THADA: variants seen among roughly 807,000 people sequenced by gnomAD.
The protein encoded by THADA is tRNA (32-2'-O)-methyltransferase regulator THADA.
THADA carries 213 observed loss-of-function variants against 219.8 expected under a neutral mutation model. That is an observed-to-expected ratio of 0.97 (90% CI 0.87 to 1.09). The LOEUF (loss-of-function observed/expected upper bound fraction) is 1.09, where lower values mean the gene tolerates loss of function less well. Ranked by LOEUF, THADA falls within the 50% of genes least tolerant of loss-of-function variation. THADA has a pLI of 0.00. For missense variants in THADA, 2,956 were observed against 2,311.3 expected, an observed-to-expected ratio of 1.28 and a Z score of -5.72; for synonymous variants, 1,018 against 828.9, an observed-to-expected ratio of 1.23 and a Z score of -3.92.
chr2:43,400,393 T>A (rs1674652998), intron 28 of THADA, among the ~76,000 whole-genome samples: 2 of 150,098 alleles, frequency 1.3e-5, no homozygotes, highest in South Asian at 2.1e-4. Context: ...ACATTCATTA[T>A]AAAGCAATGG....
chr2:43,275,945 T>C (rs1350459924), intron 36 of THADA, among the ~76,000 whole-genome samples: 3 of 152,174 alleles, frequency 2.0e-5, no homozygotes, highest in Non-Finnish European at 4.4e-5. Context: ...ATGCCCGATG[T>C]GGTATATAAA....
chr2:43,361,935 T>C (rs1290875037), intron 29 of THADA, among the ~76,000 whole-genome samples: 1 of 152,240 alleles, frequency 6.6e-6, no homozygotes, highest in Non-Finnish European at 1.5e-5. Context: ...AAGAGGTTTA[T>C]TCTTGATATT....
chr2:43,442,279 T>C (rs1193050243), intron 26 of THADA, among the ~76,000 whole-genome samples: 1 of 151,980 alleles, frequency 6.6e-6, no homozygotes, highest in African/African-American at 2.4e-5. Flanking sequence ...CTACTAAAAA[T>C]ATAAAATTTA....
intron 31 of THADA, among the ~76,000 whole-genome samples, chr2:43,306,828 C>T (rs1351486984): frequency 2.0e-5 from 3 of 152,212 alleles, no homozygotes; most frequent in African/African-American, 4.8e-5. Flanking sequence ...CAGCTGCTTC[C>T]ACCCTGGATG....
intron 7 of THADA, among the ~76,000 whole-genome samples, chr2:43,585,577 T>TAGATAGATAGATAGAA (rs1553505551): frequency 2.7e-4 from 37 of 135,306 alleles, no homozygotes; most frequent in African/African-American, 6.8e-4. Flanking sequence ...GATAGATAGA[T>TAGATAGATAGATAGAA]AGAAAGAAAT....
At chr2:43,427,489 A>G (rs1252782829) in intron 28 of THADA, among the ~76,000 whole-genome samples, 1 of 117,488 alleles carries the variant, frequency 8.5e-6, no homozygotes, top group African/African-American at 3.1e-5. Flanking sequence ...CTTTCACAAG[A>G]CCCCTCCCAA....
intron 28 of THADA, among the ~76,000 whole-genome samples, chr2:43,427,744 C>T (rs1396021826): frequency 6.7e-6 from 1 of 149,488 alleles, no homozygotes; most frequent in Non-Finnish European, 1.5e-5. Context: ...ATCACAAGGT[C>T]AGGAGATCGA....
chr2:43,568,441 CCT>C (rs1287434591), intron 14 of THADA, among the ~76,000 whole-genome samples: 1 of 152,118 alleles, frequency 6.6e-6, no homozygotes, highest in African/African-American at 2.4e-5. Context: ...AAGGTCACAA[CCT>C]CTAAAAGCCA....
At chr2:43,383,944 C>T (rs1287541775) in intron 29 of THADA, among the ~76,000 whole-genome samples, 1 of 152,126 alleles carries the variant, frequency 6.6e-6, no homozygotes, top group East Asian at 1.9e-4. Context: ...CTTTTATTAA[C>T]TGAAATTTTA....
intron 26 of THADA, among the ~76,000 whole-genome samples, chr2:43,475,851 T>C (rs1050202913): frequency 6.6e-6 from 1 of 152,232 alleles, no homozygotes; most frequent in South Asian, 2.1e-4. Context: ...GAAAAACATA[T>C]TTTCCTATTA....
At chr2:43,528,053 G>C in intron 21 of THADA, 65 bp from the exon 22 acceptor site, 1 of 1,119,858 alleles carries the variant, frequency 8.9e-7, no homozygotes, top group South Asian at 1.3e-5. Flanking sequence ...ATTTATATCA[G>C]TAACACTGTT....
At chr2:43,264,731 CT>C (rs1671330106) in intron 36 of THADA, among the ~76,000 whole-genome samples, 1 of 151,956 alleles carries the variant, frequency 6.6e-6, no homozygotes, top group South Asian at 2.1e-4. Context: ...AGGGAGGAGC[CT>C]GGGGGAAAAA....
Position 43,354,154 on chromosome 2 carries a change from C to T in THADA, c.4228-9917G>A, listed in dbSNP as rs536047126. Among the ~76,000 whole-genome samples the T allele has an allele frequency of 3.8e-4, 57 of 151,964 alleles. 2 individuals carry two copies. In the South Asian group the frequency reaches 0.012, roughly 32 times the overall value. On this transcript the variant is annotated intron_variant, in intron 29 of 37. Transcript: ENST00000405975. ...TATTTTTAGTAGAGACAGGGTTTTGCCATGTTGACCAGGCTGGTCTTGAAC... is the reference window on the plus strand; with the variant it reads ...TATTTTTAGTAGAGACAGGGTTTTGTCATGTTGACCAGGCTGGTCTTGAAC...
chr2:43,510,185 T>C (rs1234655380), intron 22 of THADA, among the ~76,000 whole-genome samples: 2 of 152,196 alleles, frequency 1.3e-5, no homozygotes, highest in African/African-American at 2.4e-5. Context: ...TTTTTAGAGA[T>C]GCATACTGAG....
intron 20 of THADA, among the ~76,000 whole-genome samples, chr2:43,547,229 G>A (rs1488382303): frequency 6.6e-6 from 1 of 152,182 alleles, no homozygotes; most frequent in Non-Finnish European, 1.5e-5. Flanking sequence ...TAGAGTTTCT[G>A]CCGAGAGATC....
chr2:43,290,919 G>C (rs539473036), intron 34 of THADA, among the ~76,000 whole-genome samples: 1 of 152,072 alleles, frequency 6.6e-6, no homozygotes, highest in Non-Finnish European at 1.5e-5. Context: ...CAGGTGGGGC[G>C]CATCTGGGCC....
intron 26 of THADA, among the ~76,000 whole-genome samples, chr2:43,439,738 C>T (rs1266534608): frequency 6.6e-6 from 1 of 152,132 alleles, no homozygotes; most frequent in South Asian, 2.1e-4. Context: ...TTCAGCGTAT[C>T]CATGGTTCGA....
At chr2:43,556,614 A>C in intron 16 of THADA, 59 bp from the exon 17 acceptor site, 1 of 1,517,594 alleles carries the variant, frequency 6.6e-7, no homozygotes, top group Non-Finnish European at 8.9e-7. Context: ...ATTTAAAAAA[A>C]TAGTAAATTT....
intron 29 of THADA, among the ~76,000 whole-genome samples, chr2:43,370,630 T>C (rs2104620339): frequency 6.6e-6 from 1 of 152,268 alleles, no homozygotes; most frequent in East Asian, 1.9e-4. Flanking sequence ...AAAATAAAGT[T>C]AAGCAAATGA....
Sources: allele counts gnomAD v4.1 joint callset (sites outside exome capture counted in the v4.1 genomes callset), GRCh38; gene constraint gnomAD v4.1.1; transcripts MANE v1.5; gene names NCBI Gene and HGNC (gene_info 2026-07-23, HGNC 2026-07-21).